The following CROCC2 variants were observed in gnomAD, a reference collection of about 807,000 sequenced individuals.
CROCC2 encodes ciliary rootlet coiled-coil, rootletin family member 2, also known as ciliary rootlet coiled-coil protein 2.
In CROCC2, 163 loss-of-function variants were observed where a neutral mutation model predicts 177.6. The ratio of observed to expected loss-of-function variants is 0.92; its 90% CI spans 0.81 to 1.05. The LOEUF (loss-of-function observed/expected upper bound fraction) is 1.05. Among genes scored for constraint, CROCC2 ranks in the 50% least tolerant of loss-of-function variants. CROCC2 has a pLI of 0.00. For synonymous variants in CROCC2, 904 were observed against 787.3 expected (o/e 1.15, Z -2.48); for missense variants, 1,929 against 1,797.8 (o/e 1.07, Z -1.32).
At chr2:240,951,638 A>C (rs1007398100) in intron 18 of CROCC2, among the ~76,000 whole-genome samples, 1 of 150,764 alleles carries the variant, frequency 6.6e-6, no homozygotes, top group African/African-American at 2.4e-5. Context: ...CTATCCATGC[A>C]CCCAACCTTC....
At chr2:240,915,871 G>T (rs1299542082) in intron 1 of CROCC2, among the ~76,000 whole-genome samples, 3 of 152,306 alleles carry the variant, frequency 2.0e-5, no homozygotes, top group Middle Eastern at 3.4e-3. Flanking sequence ...GCCGGGCTCA[G>T]CTGTGAGTCT....
At chr2:240,955,725 A>G (rs1250858918) in intron 18 of CROCC2, 134 bp from the exon 19 acceptor site, 7 of 624,406 alleles carry the variant, frequency 1.1e-5, no homozygotes, top group Non-Finnish European at 2.0e-5. Flanking sequence ...GGATGTGCAG[A>G]CAGGAACATG....
Position 240,966,293 on chromosome 2 carries a change from C to T in CROCC2, c.4030C>T (p.Leu1344Phe). 4.4e-6 allele frequency: 2 copies of T among 453,286 alleles called. No homozygotes were observed. The highest frequency in any genetic ancestry group is 7.3e-6 in the Non-Finnish European group (2 of 273,418). The allele number at this position is 453,286 out of a possible 1,614,324, so 28.1% of individuals were successfully genotyped here. ...TSPPARPHSP[L>F]RWPSPTPGGR... ...CCCCCCAGCCAGGCCCCACTCGCCC[C>T]TCCGATGGCCCTCGCCCACACCCGG... is the stretch of plus-strand genomic sequence containing the variant. The change falls in exon 25 of 32, where the codon CTC becomes TTC. Residue 1344 changes from leucine to phenylalanine, a missense_variant. By Grantham distance (22) the Leu-to-Phe change is conservative. Coordinates refer to ENST00000690015, the MANE Select transcript of CROCC2 (RefSeq NM_001351305.2).
chr2:240,986,232 G>C (rs1257729875), intron 28 of CROCC2, among the ~76,000 whole-genome samples: 1 of 152,200 alleles, frequency 6.6e-6, no homozygotes, highest in African/African-American at 2.4e-5. Context: ...TGCAGGGTGG[G>C]GTAGTCCTGG....
At chr2:240,933,589 C>T (rs961288565) in intron 10 of CROCC2, 81 bp from the exon 11 acceptor site, 1 of 1,457,436 alleles carries the variant, frequency 6.9e-7, no homozygotes, top group Non-Finnish European at 9.2e-7. Flanking sequence ...GGCATCCACC[C>T]AGCCCCCAAT....
intron 1 of CROCC2, among the ~76,000 whole-genome samples, chr2:240,916,033 A>T (rs2059317994): frequency 6.6e-6 from 1 of 152,078 alleles, no homozygotes; most frequent in African/African-American, 2.4e-5. Context: ...AAGGACCCAC[A>T]GGTCGCGGAG....
chr2:240,922,493 C>T (rs775550891), intron 3 of CROCC2, 46 bp from the exon 4 acceptor site: 37 of 660,376 alleles, frequency 5.6e-5, no homozygotes, highest in African/African-American at 4.4e-4. Flanking sequence ...CCCTGCCTGG[C>T]GGGTTCAGGA....
At chr2:240,969,138 C>T (rs1029080543) in intron 27 of CROCC2, among the ~76,000 whole-genome samples, 14 of 152,324 alleles carry the variant, frequency 9.2e-5, no homozygotes, top group Non-Finnish European at 1.9e-4. Context: ...GCACAGAGAC[C>T]GGGGAGCCAC....
At chr2:240,926,738 C>T (rs556315877) in intron 5 of CROCC2, among the ~76,000 whole-genome samples, 1 of 152,386 alleles carries the variant, frequency 6.6e-6, no homozygotes, top group South Asian at 2.1e-4. Context: ...CCCGAGCCCC[C>T]CACAGCTGCT....
chr2:240,927,162 G>A (rs4675845), intron 5 of CROCC2, among the ~76,000 whole-genome samples: 6,895 of 152,224 alleles, frequency 0.045, 359 homozygotes, highest in East Asian at 0.24. Context: ...CAGCTTCCAG[G>A]CTGCCTGGAT....
At chr2:240,936,702 C>T (rs2059473362) in intron 14 of CROCC2, among the ~76,000 whole-genome samples, 1 of 152,200 alleles carries the variant, frequency 6.6e-6, no homozygotes, top group Admixed American at 6.5e-5. Context: ...CTGGGACCAG[C>T]ACCCAGGTGA....
At chr2:240,967,759 G>C (rs1467512188) in intron 26 of CROCC2, among the ~76,000 whole-genome samples, 4 of 151,708 alleles carry the variant, frequency 2.6e-5, no homozygotes, top group African/African-American at 9.7e-5. Flanking sequence ...GCCTCCTGCA[G>C]TTCCCACTGG....
At chr2:240,928,660 G>A (rs968035464) in intron 5 of CROCC2, among the ~76,000 whole-genome samples, 2 of 152,230 alleles carry the variant, frequency 1.3e-5, no homozygotes, top group African/African-American at 4.8e-5. Flanking sequence ...TGAACACGGA[G>A]TGCAGGAGGC....
intron 30 of CROCC2, among the ~76,000 whole-genome samples, chr2:240,990,212 G>A (rs1407968581): frequency 6.6e-6 from 1 of 152,222 alleles, no homozygotes; most frequent in Non-Finnish European, 1.5e-5. Flanking sequence ...GGTGGCCTCT[G>A]CACCTGTCCT....
rs2059454595 is a variant in CROCC2, at chr2:240,934,460, C to T, written c.1776C>T (p.Arg592=). ...DVVESEREGL[R]SALARAECSN... ...TGGAGAGTGAGAGGGAGGGACTGCGCAGCGCCCTGGCGCGGGTACACTCTG... is the reference window on the plus strand; with the variant it reads ...TGGAGAGTGAGAGGGAGGGACTGCGTAGCGCCCTGGCGCGGGTACACTCTG... The change falls in exon 12 of 32, where the codon CGC becomes CGT. Residue 592 remains arginine, a synonymous_variant. Coordinates refer to ENST00000690015, the MANE Select transcript of CROCC2 (RefSeq NM_001351305.2). 6.5e-7 allele frequency: 1 copy of T among 1,548,168 alleles called. No individual in the cohort carries two copies. Among genetic ancestry groups the T allele is most frequent in the Non-Finnish European group, 8.7e-7 (1 of 1,146,728 alleles).
rs768400024 is a variant in CROCC2 at position 240,972,440 on chromosome 2, C to T, written c.4401+4178C>T. Among the ~76,000 whole-genome samples, 60 of 152,140 alleles carry T rather than the reference C, an allele frequency of 3.9e-4. No individual in the cohort carries two copies. The highest frequency in any genetic ancestry group is 3.4e-3 in the Middle Eastern group (1 of 294). ...TGCCTCACAGGGATGGAGGGCTCCCCGGGTCCCCCAGCCACAGCAACCCTC... is the reference window on the plus strand; with the variant it reads ...TGCCTCACAGGGATGGAGGGCTCCCTGGGTCCCCCAGCCACAGCAACCCTC... On this transcript the variant is annotated intron_variant, in intron 27 of 31. Transcript: ENST00000690015. The surrounding 1 kb of genome is among the most constrained non-coding windows in gnomAD (Gnocchi z 7.1).
Position 240,931,093 on chromosome 2 carries a change from C to T in CROCC2, c.912C>T (p.Gly304=), listed in dbSNP as rs1464652189. The part of the protein sequence containing the change: ...DKAGEMLQLQ[G]RWDAEKVALQ... ...CTGGGGAGATGCTGCAGCTGCAGGG[C>T]CGCTGGGACGCAGAGAAGGTGGCGC... Residue 304 remains glycine (G), a synonymous_variant, in exon 7 of 32, where the codon GGC becomes GGT. Transcript: ENST00000690015. 1.4e-6 allele frequency: 1 copy of T among 715,358 alleles called. No individual in the cohort carries two copies. Among genetic ancestry groups the T allele is most frequent in the Non-Finnish European group, 2.6e-6 (1 of 383,986 alleles). The allele number at this position is 715,358 out of a possible 1,614,324, so 44.3% of individuals were successfully genotyped here. A position where few individuals can be genotyped will look rare whatever the true frequency, so the allele number is the denominator to read the frequency against.
intron 27 of CROCC2, among the ~76,000 whole-genome samples, chr2:240,975,742 T>TTG (rs2059757004): frequency 1.4e-5 from 2 of 145,434 alleles, no homozygotes; most frequent in African/African-American, 5.3e-5. Flanking sequence ...TTTTTTTTTT[T>TTG]TTTTGAGACA....
In CROCC2 at chr2:240,972,562, G is replaced by A. The variant is rs1439134999; in HGVS notation, c.4401+4300G>A. On this transcript the variant is annotated intron_variant, in intron 27 of 31. Coordinates refer to ENST00000690015, the MANE Select transcript of CROCC2 (RefSeq NM_001351305.2). This position sits in a 1 kb window ranked among gnomAD's most constrained non-coding sequence, Gnocchi z 7.1. Reference sequence around the variant, plus strand: ...TGAGTCAGGGTATGGGGACATGGGGGTCCAACTTTGGGTCTCCACAATGAG... The same window carrying A: ...TGAGTCAGGGTATGGGGACATGGGGATCCAACTTTGGGTCTCCACAATGAG... 6.6e-6 allele frequency among the ~76,000 whole-genome samples: 1 copy of A among 151,972 alleles called. No homozygotes were observed. Among genetic ancestry groups the A allele is most frequent in the East Asian group, 1.9e-4 (1 of 5,158 alleles).
Sources: gnomAD v4.1 joint callset for allele counts (sites outside exome capture counted in the v4.1 genomes callset) on GRCh38, gnomAD v4.1.1 for gene constraint, Gnocchi (gnomAD v3.1) non-coding constraint, MANE v1.5 for transcripts, NCBI Gene and HGNC (gene_info 2026-07-23, HGNC 2026-07-21) for gene names.